Variants in COBL observed in about 807,000 individuals in gnomAD.
The protein encoded by COBL is protein cordon-bleu.
In COBL, 51 loss-of-function variants were observed where a neutral mutation model predicts 98.8. The observed-to-expected ratio is 0.52, with a 90% CI of 0.41 to 0.65. The LOEUF (loss-of-function observed/expected upper bound fraction) is 0.65. Ranked by LOEUF, COBL falls within the 30% of genes least tolerant of loss-of-function variation. The probability of loss-of-function intolerance (pLI) is 0.00; values close to 1 mark genes in which losing one functional copy is unlikely to be tolerated. For missense variants in COBL, 1,617 were observed against 1,617.5 expected, an observed-to-expected ratio of 1.00 and a Z score of 0.01; for synonymous variants, 634 against 651.7, an observed-to-expected ratio of 0.97 and a Z score of 0.41.
intron 7 of COBL, among the ~76,000 whole-genome samples, chr7:51,077,905 T>A (rs1325255080): frequency 6.6e-6 from 1 of 152,190 alleles, no homozygotes; most frequent in African/African-American, 2.4e-5. Context: ...CCTTACTGTT[T>A]TTGAGCCAAA....
chr7:51,153,909 A>C (rs1387530695), intron 5 of COBL, among the ~76,000 whole-genome samples: 1 of 152,200 alleles, frequency 6.6e-6, no homozygotes, highest in Non-Finnish European at 1.5e-5. Context: ...CAATAAAATG[A>C]GACTGGATGG....
At chr7:51,259,878 C>T (rs11767820) in intron 1 of COBL, 273,870 of 755,260 alleles carry the variant, frequency 0.36, 55,212 homozygotes, top group Non-Finnish European at 0.43. Context: ...AAACTCATGT[C>T]ATTAATCCTT....
intron 1 of COBL, among the ~76,000 whole-genome samples, chr7:51,231,915 G>A (rs2302151): frequency 0.23 from 35,620 of 152,042 alleles, 4,984 homozygotes; most frequent in East Asian, 0.59. Flanking sequence ...CAGCACCTCG[G>A]GGGGAGGGGA....
At chr7:51,281,967 T>C (rs995078306) in intron 1 of COBL, among the ~76,000 whole-genome samples, 6 of 152,064 alleles carry the variant, frequency 3.9e-5, no homozygotes, top group African/African-American at 1.4e-4. Context: ...ACATAAATGG[T>C]AAAATACTGA....
rs750456213 is a variant in COBL at position 51,099,380 on chromosome 7, G to A, written c.958-14076C>T. Reference sequence around the variant, plus strand: ...CATAAATATCTATTGATGGATGAATGCATAAAGAAAATGTGGTCTATACAC... The same window carrying A: ...CATAAATATCTATTGATGGATGAATACATAAAGAAAATGTGGTCTATACAC... On this transcript the variant is annotated intron_variant, in intron 6 of 12. Coordinates refer to ENST00000265136, the MANE Select transcript of COBL (RefSeq NM_015198.5). 3.9e-5 allele frequency among the ~76,000 whole-genome samples: 6 copies of A among 152,288 alleles called. No homozygotes were observed. The South Asian group carries it at 6.2e-4, about 16-fold the overall frequency.
rs1793768398 is a variant in COBL, at chr7:51,222,717, G to GA, written c.42-2774_42-2773insT. 6.6e-3 allele frequency among the ~76,000 whole-genome samples: 968 copies of GA among 146,706 alleles called. 8 individuals carry two copies. The highest frequency in any genetic ancestry group is 0.022 in the African/African-American group (883 of 39,942). On this transcript the variant is annotated intron_variant, in intron 1 of 12. Transcript: ENST00000265136. ...ATTACCTCCCAAAGGTGTTTTCAGG[G>GA]GAAAAAAAAAAAAGTGTTTTTCATT... is the stretch of plus-strand genomic sequence containing the variant.
At chr7:51,096,656 A>G (rs1269842271) in intron 6 of COBL, among the ~76,000 whole-genome samples, 1 of 152,086 alleles carries the variant, frequency 6.6e-6, no homozygotes, top group Non-Finnish European at 1.5e-5. Flanking sequence ...AAAATTAGAA[A>G]GAGACATTAC....
intron 11 of COBL, among the ~76,000 whole-genome samples, chr7:51,025,887 T>C (rs75200679): frequency 0.042 from 6,383 of 152,234 alleles, 191 homozygotes; most frequent in African/African-American, 0.074. Context: ...CCATGCTCTG[T>C]TGGCAGCCAA....
intron 6 of COBL, among the ~76,000 whole-genome samples, chr7:51,091,903 C>A (rs976740752): frequency 6.6e-6 from 1 of 152,136 alleles, no homozygotes; most frequent in African/African-American, 2.4e-5. Flanking sequence ...AGAAAAAAAA[C>A]GCCACCTGCC....
rs533944807 is a variant in COBL at position 51,292,144 on chromosome 7, C to T, written c.41+24449G>A. Among the ~76,000 whole-genome samples the T allele has an allele frequency of 1.8e-3, 257 of 144,180 alleles. 1 individual carries two copies. Among genetic ancestry groups the T allele is most frequent in the African/African-American group, 6.5e-3 (249 of 38,542 alleles). The allele number at this position is 144,180 out of a possible 152,430, so 94.6% of individuals were successfully genotyped here. On this transcript the variant is annotated intron_variant, in intron 1 of 12. Coordinates refer to ENST00000265136, the MANE Select transcript of COBL (RefSeq NM_015198.5). ...CCTGGGCAACAGAATGAGACTTTGA[C>T]TCAAAAAAAAAAAAAAAAAGTGGGA...
At position 51,073,334 on chromosome 7, in the gene COBL, C is replaced by T. The variant is rs756130410; in HGVS notation, c.1096+11832G>A. On this transcript the variant is annotated intron_variant, in intron 7 of 12. Coordinates refer to ENST00000265136, the MANE Select transcript of COBL (RefSeq NM_015198.5). Reference sequence around the variant, plus strand: ...GGAAAGGTCCGAGGTCAGGAAGAGGCCCGTCCATCAGAAGCGCTTGGCCTG... The same window carrying T: ...GGAAAGGTCCGAGGTCAGGAAGAGGTCCGTCCATCAGAAGCGCTTGGCCTG... 4 of 696,222 alleles carry T rather than the reference C, an allele frequency of 5.7e-6. No homozygotes were observed. The South Asian group carries it at 6.0e-5, about 10-fold the overall frequency. The allele number at this position is 696,222 out of a possible 1,614,324, so 43.1% of individuals were successfully genotyped here. A position where few individuals can be genotyped will look rare whatever the true frequency, so the allele number is the denominator to read the frequency against.
intron 1 of COBL, among the ~76,000 whole-genome samples, chr7:51,307,741 C>G (rs1802621569): frequency 6.6e-6 from 1 of 152,232 alleles, no homozygotes; most frequent in Non-Finnish European, 1.5e-5. Context: ...ATTCAGAACA[C>G]AGTCTTTGAT....
chr7:51,255,599 C>A (rs1797126461), intron 1 of COBL, among the ~76,000 whole-genome samples: 1 of 152,186 alleles, frequency 6.6e-6, no homozygotes, highest in East Asian at 1.9e-4. Context: ...AAGAAGGGGA[C>A]TGAGCATACT....
intron 1 of COBL, among the ~76,000 whole-genome samples, chr7:51,267,104 C>G (rs1798288098): frequency 6.6e-6 from 1 of 152,070 alleles, no homozygotes; most frequent in African/African-American, 2.4e-5. Flanking sequence ...AATACAGAGG[C>G]CACACAAAGG....
intron 1 of COBL, among the ~76,000 whole-genome samples, chr7:51,272,741 T>G (rs1306048176): frequency 6.6e-6 from 1 of 152,174 alleles, no homozygotes; most frequent in Non-Finnish European, 1.5e-5. Context: ...GATGTTTTTC[T>G]GGCATTTCCA....
rs1798634621 is a variant in COBL at position 51,270,279 on chromosome 7, GGCTCTGAGGTGCTGAATA to G, written c.41+46296_41+46313del. 2.6e-5 allele frequency among the ~76,000 whole-genome samples: 4 copies of G among 152,110 alleles called. No individual in the cohort carries two copies. The South Asian group carries it at 8.3e-4, about 32-fold the overall frequency. On this transcript the variant is annotated intron_variant, in intron 1 of 12. Transcript: ENST00000265136. ...TATAGCAAAACTCAGAGCCAAGACTGGCTCTGAGGTGCTGAATAGTGGTAGTTCCGTTCAAGAAAGATT... is the reference window on the plus strand; with the variant it reads ...TATAGCAAAACTCAGAGCCAAGACTGGTGGTAGTTCCGTTCAAGAAAGATT...
At chr7:51,227,276 G>T (rs980250196) in intron 1 of COBL, among the ~76,000 whole-genome samples, 1 of 152,156 alleles carries the variant, frequency 6.6e-6, no homozygotes, top group Non-Finnish European at 1.5e-5. Flanking sequence ...AGTGCTCAAG[G>T]TTCCACGAGG....
At chr7:51,096,690 A>C (rs187737278) in intron 6 of COBL, among the ~76,000 whole-genome samples, 2 of 152,246 alleles carry the variant, frequency 1.3e-5, no homozygotes, top group African/African-American at 4.8e-5. Flanking sequence ...AAAACAAAAA[A>C]GATCATAGGA....
intron 9 of COBL, 99 bp from the exon 10 acceptor site, chr7:51,029,690 T>C: frequency 1.0e-6 from 1 of 969,290 alleles, no homozygotes; most frequent in Admixed American, 2.6e-5. Context: ...TACTTTTGAA[T>C]ACATTATTTA....
Sources: allele counts gnomAD v4.1 joint callset (sites outside exome capture counted in the v4.1 genomes callset), GRCh38; gene constraint gnomAD v4.1.1; transcripts MANE v1.5; gene names NCBI Gene and HGNC (gene_info 2026-07-23, HGNC 2026-07-21).